PARN: variants seen among roughly 807,000 people sequenced by gnomAD.
The protein encoded by PARN is poly(A)-specific ribonuclease PARN.
A neutral mutation model predicts 102.8 loss-of-function variants in PARN; 71 were observed. The observed-to-expected ratio is 0.69, with a 90% CI of 0.57 to 0.84. The LOEUF is 0.84. PARN is among the 40% of genes least tolerant of loss of function. The pLI is 0.00. For missense variants in PARN, 782 were observed against 760.9 expected (o/e 1.03, Z -0.33); for synonymous variants, 261 against 252.9 (o/e 1.03, Z -0.30).
At chr16:14,599,666 T>C (rs1161061815) in intron 12 of PARN, among the ~76,000 whole-genome samples, 1 of 152,192 alleles carries the variant, frequency 6.6e-6, no homozygotes, top group Non-Finnish European at 1.5e-5. Context: ...CAACATAGTG[T>C]AACCCTCCTA....
At chr16:14,581,332 G>GT (rs1377897393) in intron 17 of PARN, among the ~76,000 whole-genome samples, 1 of 152,126 alleles carries the variant, frequency 6.6e-6, no homozygotes, top group Non-Finnish European at 1.5e-5. Context: ...GATTACAGGA[G>GT]TAAGCCACTG....
At chr16:14,508,919 T>TATAA (rs1965046994) in intron 21 of PARN, among the ~76,000 whole-genome samples, 1 of 150,672 alleles carries the variant, frequency 6.6e-6, no homozygotes, top group African/African-American at 2.4e-5. Context: ...TATATATATA[T>TATAA]AATTCAAAGT....
At chr16:14,554,787 G>A (rs1201222758) in intron 19 of PARN, among the ~76,000 whole-genome samples, 2 of 151,424 alleles carry the variant, frequency 1.3e-5, no homozygotes, top group Non-Finnish European at 2.9e-5. Context: ...CTCTGTTCAT[G>A]AAGTTTCACT....
chr16:14,571,729 A>G (rs1968825536), intron 18 of PARN, among the ~76,000 whole-genome samples: 2 of 152,132 alleles, frequency 1.3e-5, no homozygotes, highest in Admixed American at 1.3e-4. Flanking sequence ...CATTTTACAC[A>G]CACTCTCTCA....
intron 13 of PARN, 144 bp from the exon 14 acceptor site, chr16:14,586,505 T>C (rs1969864457): frequency 1.8e-6 from 1 of 567,514 alleles, no homozygotes. Flanking sequence ...CATTTCTAGT[T>C]AACAAGTACA....
At chr16:14,544,712 G>A (rs1385840512) in intron 21 of PARN, among the ~76,000 whole-genome samples, 1 of 152,104 alleles carries the variant, frequency 6.6e-6, no homozygotes, top group Non-Finnish European at 1.5e-5. Context: ...TTTATAAAGA[G>A]GCCAGTTTAT....
intron 22 of PARN, among the ~76,000 whole-genome samples, chr16:14,461,451 TG>T (rs571492460): frequency 6.2e-4 from 95 of 152,344 alleles, no homozygotes; most frequent in Non-Finnish European, 1.2e-3. Flanking sequence ...TGTACTCCTT[TG>T]TAAGTGTGAA....
At chr16:14,542,714 T>C (rs537235510) in intron 21 of PARN, among the ~76,000 whole-genome samples, 3 of 152,276 alleles carry the variant, frequency 2.0e-5, no homozygotes, top group South Asian at 2.1e-4. Flanking sequence ...ATGGGCTTAA[T>C]AGCAGAAAAA....
rs142182258 is a variant in PARN, at chr16:14,492,711, A to G, written c.1481-9884T>C. On this transcript the variant is annotated intron_variant, in intron 21 of 23. Coordinates refer to ENST00000437198, the MANE Select transcript of PARN (RefSeq NM_002582.4). The stretch of plus-strand genomic sequence containing the variant: ...ATTGAGGCCACGGAAGCAGCAAAGA[A>G]AACAGTCTTTACAAACTAGACATGA... Among the ~76,000 whole-genome samples the G allele has an allele frequency of 1.3e-4, 20 of 152,324 alleles. No homozygotes were observed. In the East Asian group the frequency reaches 3.5e-3, roughly 26 times the overall value.
intron 22 of PARN, among the ~76,000 whole-genome samples, chr16:14,471,195 T>G (rs892561522): frequency 6.6e-6 from 1 of 152,324 alleles, no homozygotes; most frequent in South Asian, 2.1e-4. Flanking sequence ...GACCTTCATC[T>G]AAAAATCAAT....
chr16:14,567,855 T>C (rs547341486), intron 18 of PARN, among the ~76,000 whole-genome samples: 41 of 152,320 alleles, frequency 2.7e-4, no homozygotes, highest in Admixed American at 1.2e-3. Context: ...ACACACAGGG[T>C]AGGTATTTTC....
chr16:14,487,591 C>A (rs1963782673), intron 21 of PARN, among the ~76,000 whole-genome samples: 1 of 152,122 alleles, frequency 6.6e-6, no homozygotes, highest in African/African-American at 2.4e-5. Flanking sequence ...TAAACAACTT[C>A]TGTGGAACAG....
intron 22 of PARN, among the ~76,000 whole-genome samples, chr16:14,467,477 G>A (rs1489336959): frequency 6.6e-6 from 1 of 152,186 alleles, no homozygotes; most frequent in Non-Finnish European, 1.5e-5. Context: ...ATTAATTTAC[G>A]AAGATGAACC....
At chr16:14,573,376 C>CA (rs1968924122) in intron 18 of PARN, among the ~76,000 whole-genome samples, 1 of 152,186 alleles carries the variant, frequency 6.6e-6, no homozygotes. Flanking sequence ...CTGTTAGTAA[C>CA]TACAGTCACC....
chr16:14,453,475 T>A (rs1329283252), intron 22 of PARN, among the ~76,000 whole-genome samples: 2 of 152,244 alleles, frequency 1.3e-5, no homozygotes, highest in East Asian at 3.8e-4. Flanking sequence ...GCAATGGAAT[T>A]CACTTATTTT....
At chr16:14,446,037 A>C (rs1033227118) in intron 23 of PARN, among the ~76,000 whole-genome samples, 1 of 152,244 alleles carries the variant, frequency 6.6e-6, no homozygotes, top group African/African-American at 2.4e-5. Flanking sequence ...AGTAATAAGC[A>C]CTCAATAAGC....
intron 21 of PARN, among the ~76,000 whole-genome samples, chr16:14,544,317 G>A (rs575946511): frequency 2.0e-5 from 3 of 152,194 alleles, no homozygotes; most frequent in African/African-American, 7.2e-5. Context: ...GCTCACATCT[G>A]TAATCTCAGC....
chr16:14,441,715 G>A (rs547314912), intron 23 of PARN, among the ~76,000 whole-genome samples: 5 of 152,344 alleles, frequency 3.3e-5, no homozygotes, highest in African/African-American at 1.2e-4. Flanking sequence ...CCTTCGCCAC[G>A]TTCACTGCAA....
intron 21 of PARN, among the ~76,000 whole-genome samples, chr16:14,490,521 T>C (rs1964004658): frequency 6.6e-6 from 1 of 152,210 alleles, no homozygotes. Context: ...TACTCCACAA[T>C]CAGAAGTGAT....
Sources: allele counts gnomAD v4.1 joint callset (sites outside exome capture counted in the v4.1 genomes callset), GRCh38; gene constraint gnomAD v4.1.1; transcripts MANE v1.5; gene names NCBI Gene and HGNC (gene_info 2026-07-23, HGNC 2026-07-21).